Variants in EIF4H observed in about 807,000 individuals in gnomAD.
EIF4H encodes the protein eukaryotic translation initiation factor 4H, also known as Williams-Beuren syndrome chromosome region 1.
A neutral mutation model predicts 30.6 loss-of-function variants in EIF4H; 8 were observed. The ratio of observed to expected loss-of-function variants is 0.26; its 90% CI spans 0.15 to 0.47. EIF4H has a LOEUF of 0.47. EIF4H is among the 20% of genes least tolerant of loss of function. The pLI, the probability that EIF4H is intolerant of heterozygous loss-of-function variation, is 0.99. For missense variants in EIF4H, 188 were observed against 339.5 expected (o/e 0.55, Z 3.51); for synonymous variants, 106 against 122.7 (o/e 0.86, Z 0.90).
intron 1 of EIF4H, among the ~76,000 whole-genome samples, chr7:74,174,888 C>T (rs1238961889): frequency 6.6e-6 from 1 of 152,250 alleles, no homozygotes; most frequent in Non-Finnish European, 1.5e-5. Flanking sequence ...GCCCCTGGCC[C>T]CTTCGCCACG....
rs781799285 is a variant in EIF4H, at chr7:74,190,241, C to T, written c.410-6C>T. The T allele has an allele frequency of 6.8e-6, 11 of 1,613,248 alleles. No individual in the cohort carries two copies. Among genetic ancestry groups the T allele is most frequent in the Admixed American group, 1.7e-5 (1 of 59,884 alleles). On this transcript the variant is annotated splice_polypyrimidine_tract_variant and splice_region_variant and intron_variant, in intron 4 of 6. Coordinates refer to ENST00000265753, the MANE Select transcript of EIF4H (RefSeq NM_022170.2). ...CCTCAACTTTATCTTTTTTGTGTATCCTCAGGAATGGGTAGCTCTCGAGAA... is the reference window on the plus strand; with the variant it reads ...CCTCAACTTTATCTTTTTTGTGTATTCTCAGGAATGGGTAGCTCTCGAGAA...
intron 1 of EIF4H, among the ~76,000 whole-genome samples, chr7:74,175,035 C>T (rs1017276177): frequency 5.9e-5 from 9 of 152,178 alleles, no homozygotes; most frequent in Non-Finnish European, 1.2e-4. Flanking sequence ...GAGATAAATC[C>T]ATCGTAGCTT....
intron 2 of EIF4H, among the ~76,000 whole-genome samples, chr7:74,188,546 T>C (rs112372018): frequency 3.3e-5 from 5 of 152,316 alleles, no homozygotes; most frequent in African/African-American, 1.2e-4. Context: ...TGGTTTTGTG[T>C]GTCGGTGGCA....
intron 1 of EIF4H, among the ~76,000 whole-genome samples, chr7:74,180,585 G>A (rs1800937949): frequency 1.3e-5 from 2 of 152,172 alleles, no homozygotes; most frequent in African/African-American, 2.4e-5. Flanking sequence ...ATCAGTATAG[G>A]TCTTTGCTTT....
At position 74,175,241 on chromosome 7, in the gene EIF4H, G is replaced by C. The variant is rs545017759; in HGVS notation, c.59+799G>C. 1.5e-3 allele frequency among the ~76,000 whole-genome samples: 231 copies of C among 152,296 alleles called. 2 individuals are homozygous for C. Among genetic ancestry groups the C allele is most frequent in the Middle Eastern group, 3.4e-3 (1 of 294 alleles). On this transcript the variant is annotated intron_variant, in intron 1 of 6. Coordinates refer to ENST00000265753, the MANE Select transcript of EIF4H (RefSeq NM_022170.2). Reference sequence around the variant, plus strand: ...TAAAAGAAACATCTTTGAATAGAGAGCTCATGGTGTTTAATTCCAGGACTC... The same window carrying C: ...TAAAAGAAACATCTTTGAATAGAGACCTCATGGTGTTTAATTCCAGGACTC...
chr7:74,191,327 G>A, intron 5 of EIF4H: 1 of 522,898 alleles, frequency 1.9e-6, no homozygotes, highest in Non-Finnish European at 3.9e-6. Flanking sequence ...GCAGCTCAGG[G>A]AACGGCCTTT....
rs558796638 is a variant in EIF4H, at chr7:74,187,856, G to C, written c.247+58G>C. Reference sequence around the variant, plus strand: ...GTAAAGTGTAGGGGAGGATGGGAAGGGGTTCTAAATAAAAATAGATTTGTG... The same window carrying C: ...GTAAAGTGTAGGGGAGGATGGGAAGCGGTTCTAAATAAAAATAGATTTGTG... On this transcript the variant is annotated intron_variant, in intron 2 of 6. Transcript: ENST00000265753. 10 of 1,411,410 alleles carry C rather than the reference G, an allele frequency of 7.1e-6. No homozygotes were observed. In the African/African-American group the frequency reaches 1.5e-4, roughly 21 times the overall value. The allele number at this position is 1,411,410 out of a possible 1,614,324, so 87.4% of individuals were successfully genotyped here.
At chr7:74,175,142 A>G (rs1237416871) in intron 1 of EIF4H, among the ~76,000 whole-genome samples, 2 of 152,226 alleles carry the variant, frequency 1.3e-5, no homozygotes, top group Non-Finnish European at 2.9e-5. Flanking sequence ...TCTGATCTGG[A>G]GAAGGAACCG....
At chr7:74,185,147 A>G (rs1554709019) in intron 1 of EIF4H, among the ~76,000 whole-genome samples, 3 of 148,390 alleles carry the variant, frequency 2.0e-5, no homozygotes, top group African/African-American at 7.5e-5. Context: ...GTGGACCATC[A>G]CTCCCGGCTA....
intron 1 of EIF4H, among the ~76,000 whole-genome samples, chr7:74,187,276 A>G (rs1321209559): frequency 3.3e-5 from 5 of 152,116 alleles, no homozygotes; most frequent in East Asian, 3.9e-4. Context: ...CTAAAAATGC[A>G]CAAATTAGCC....
At chr7:74,191,560 G>A (rs1554709967) in intron 5 of EIF4H, among the ~76,000 whole-genome samples, 1 of 152,046 alleles carries the variant, frequency 6.6e-6, no homozygotes, top group Admixed American at 6.6e-5. Context: ...TACTTTATAC[G>A]TTATTTGCGA....
intron 5 of EIF4H, chr7:74,191,339 C>G (rs782710564): frequency 5.8e-6 from 3 of 514,108 alleles, no homozygotes; most frequent in Admixed American, 4.1e-5. Context: ...ACGGCCTTTC[C>G]CCTGCCAGTT....
Position 74,189,731 on chromosome 7 carries a change from T to C in EIF4H, c.306T>C (p.Asp102=). ...VDSLKEALTY[D]GALLGDRSLR... ...CCCTTAAGGAAGCCTTGACATACGA[T>C]GGTGCAGTAAGTATCCTCGGGTTTT... The change falls in exon 3 of 7, where the codon GAT becomes GAC. Residue 102 remains aspartate, a synonymous_variant. Coordinates refer to ENST00000265753, the MANE Select transcript of EIF4H (RefSeq NM_022170.2). 6.2e-7 allele frequency: 1 copy of C among 1,614,250 alleles called. No homozygotes were observed. Among genetic ancestry groups the C allele is most frequent in the Non-Finnish European group, 8.5e-7 (1 of 1,180,040 alleles).
intron 1 of EIF4H, among the ~76,000 whole-genome samples, chr7:74,180,207 A>G (rs1240207237): frequency 6.6e-6 from 1 of 152,056 alleles, no homozygotes; most frequent in Non-Finnish European, 1.5e-5. Flanking sequence ...AAAACAAAAA[A>G]CCCAAATACT....
chr7:74,177,195 C>T (rs572050746), intron 1 of EIF4H, among the ~76,000 whole-genome samples: 4 of 152,212 alleles, frequency 2.6e-5, no homozygotes, highest in African/African-American at 9.6e-5. Flanking sequence ...GTGATCCTCC[C>T]GCCTCAGCCT....
At chr7:74,185,439 C>G (rs1413889219) in intron 1 of EIF4H, among the ~76,000 whole-genome samples, 1 of 151,922 alleles carries the variant, frequency 6.6e-6, no homozygotes, top group South Asian at 2.1e-4. Flanking sequence ...TTACTAGGCC[C>G]GAAAAGATGG....
At chr7:74,183,675 T>G (rs1584178140) in intron 1 of EIF4H, 1 of 152,290 alleles carries the variant, frequency 6.6e-6, no homozygotes, top group East Asian at 1.9e-4. Flanking sequence ...TGGCAGACAT[T>G]TTAGCTCAGA....
At chr7:74,177,456 C>A (rs1410480664) in intron 1 of EIF4H, among the ~76,000 whole-genome samples, 1 of 152,154 alleles carries the variant, frequency 6.6e-6, no homozygotes, top group African/African-American at 2.4e-5. Flanking sequence ...TTAACTCTTA[C>A]AGCTTGTAAA....
rs782548799 is a variant in EIF4H, at chr7:74,174,357, T to C, written c.-27T>C. 2.8e-6 allele frequency: 4 copies of C among 1,436,534 alleles called. No homozygotes were observed. Among genetic ancestry groups the C allele is most frequent in the African/African-American group, 2.9e-5 (2 of 67,966 alleles). The allele number at this position is 1,436,534 out of a possible 1,614,324, so 89.0% of individuals were successfully genotyped here. A position where few individuals can be genotyped will look rare whatever the true frequency, so the allele number is the denominator to read the frequency against. ...TTGCGGGGTCCTTCCTCGCTCACCC[T>C]GGTTCCTCTCGGAGCGGAGACGGCA... On this transcript the variant is annotated 5_prime_UTR_variant, in exon 1 of 7. Coordinates refer to ENST00000265753, the MANE Select transcript of EIF4H (RefSeq NM_022170.2).
Sources: gnomAD v4.1 joint callset for allele counts (sites outside exome capture counted in the v4.1 genomes callset) on GRCh38, gnomAD v4.1.1 for gene constraint, MANE v1.5 for transcripts, NCBI Gene and HGNC (gene_info 2026-07-23, HGNC 2026-07-21) for gene names.